The following POLI variants were observed in gnomAD, a reference collection of about 807,000 sequenced individuals.
POLI encodes DNA polymerase iota.
Under a neutral mutation model 51.6 loss-of-function variants are expected in POLI, and 58 were observed. That is an observed-to-expected ratio of 1.12 (90% CI 0.91 to 1.40). POLI has a LOEUF of 1.40. Ranked by LOEUF, POLI falls within the 40% of genes most tolerant of loss-of-function variation. The pLI is 0.00. For missense variants in POLI, 921 were observed against 871.3 expected (o/e 1.06, Z -0.72); for synonymous variants, 322 against 299.7 (o/e 1.07, Z -0.77).
chr18:54,318,146 C>A (rs2088757254), intron 3 of POLI, among the ~76,000 whole-genome samples: 1 of 151,958 alleles, frequency 6.6e-6, no homozygotes, highest in South Asian at 2.1e-4. Context: ...AAAATGTTGA[C>A]TATTTTTAAA....
intron 3 of POLI, among the ~76,000 whole-genome samples, chr18:54,312,328 C>G (rs2144647699): frequency 6.6e-6 from 1 of 152,152 alleles, no homozygotes; most frequent in East Asian, 1.9e-4. Flanking sequence ...GTATATATGC[C>G]ATATTATCTT....
chr18:54,285,787 G>A (rs1254668742), intron 7 of POLI, among the ~76,000 whole-genome samples: 1 of 152,008 alleles, frequency 6.6e-6, no homozygotes, highest in Non-Finnish European at 1.5e-5. Context: ...ACCATTTAAG[G>A]TATTTTATCC....
intron 4 of POLI, among the ~76,000 whole-genome samples, chr18:54,279,593 T>G (rs1177046285): frequency 1.3e-5 from 2 of 152,164 alleles, no homozygotes; most frequent in African/African-American, 4.8e-5. Context: ...TTGCCACATT[T>G]GCTTTCTCTT....
chr18:54,291,747 G>A (rs993598229), intron 8 of POLI, 86 bp from the exon 9 acceptor site: 1 of 632,440 alleles, frequency 1.6e-6, no homozygotes, highest in Non-Finnish European at 2.7e-6. Context: ...TGATATTTAG[G>A]ATTTTAATTT....
intron 3 of POLI, among the ~76,000 whole-genome samples, chr18:54,309,746 C>A (rs1039952325): frequency 6.6e-6 from 1 of 152,188 alleles, no homozygotes; most frequent in African/African-American, 2.4e-5. Context: ...CCAGTTTGAG[C>A]TTCCAGGTTA....
intron 3 of POLI, chr18:54,311,230 T>C (rs2088664697): frequency 1.1e-5 from 3 of 281,804 alleles, no homozygotes; most frequent in Non-Finnish European, 1.6e-5. Flanking sequence ...GCCTCTGTTG[T>C]TGATGCATCT....
At position 54,294,042 on chromosome 18, in the gene POLI, TG is replaced by T. The variant is rs754631724; in HGVS notation, c.1799del (p.Cys600LeufsTer26). ...SSKQVSSVSP[C>X]EPGTSGFNSS... ...CAAACAGGTATCCTCTGTATCTCCT[TG>T]TGAACCGGGAACATCAGGCTTTAAT... On this transcript the variant is annotated frameshift_variant, in exon 10 of 10. Coordinates refer to ENST00000579534, the MANE Select transcript of POLI (RefSeq NM_007195.3). LOFTEE classifies it low-confidence loss of function (END_TRUNC). 66 of 1,613,326 alleles carry T rather than the reference TG, an allele frequency of 4.1e-5. No homozygotes were observed. Among genetic ancestry groups the T allele is most frequent in the Non-Finnish European group, 5.5e-5 (65 of 1,179,468 alleles).
chr18:54,294,952 T>G lies in POLI; in HGVS notation c.*485T>G, dbSNP rs768291336. 26 of 981,672 alleles carry G rather than the reference T, an allele frequency of 2.6e-5. No homozygotes were observed. Among genetic ancestry groups the G allele is most frequent in the Non-Finnish European group, 3.0e-5 (25 of 826,626 alleles). 60.8% of individuals were successfully genotyped at this position (981,672 alleles called of 1,614,324 possible). Reference sequence around the variant, plus strand: ...AAAGTACTACATTACATTTAGTATGTTGACTTTTAAAATACCAAAGCAATT... The same window carrying G: ...AAAGTACTACATTACATTTAGTATGGTGACTTTTAAAATACCAAAGCAATT... On this transcript the variant is annotated 3_prime_UTR_variant, in exon 10 of 10. Coordinates refer to ENST00000579534, the MANE Select transcript of POLI (RefSeq NM_007195.3).
At chr18:54,302,038 G>A (rs1263062221), downstream of POLI, among the ~76,000 whole-genome samples, 2 of 152,156 alleles carry the variant, frequency 1.3e-5, no homozygotes, top group East Asian at 3.8e-4. Flanking sequence ...AATATGACTG[G>A]AAGCTCTGAT....
At chr18:54,281,430 A>G (rs978606412) in intron 5 of POLI, among the ~76,000 whole-genome samples, 8 of 152,192 alleles carry the variant, frequency 5.3e-5, no homozygotes, top group East Asian at 1.9e-4. Context: ...CCAAGTTTTT[A>G]TAGGCCATCA....
intron 7 of POLI, among the ~76,000 whole-genome samples, chr18:54,286,943 CAA>C (rs34365028): frequency 1.4e-5 from 2 of 141,986 alleles, no homozygotes; most frequent in Non-Finnish European, 1.5e-5. Flanking sequence ...GACTCCATCT[CAA>C]AAAAAAAAAA....
intron 3 of POLI, among the ~76,000 whole-genome samples, chr18:54,318,217 A>C (rs2088758072): frequency 6.6e-6 from 1 of 152,156 alleles, no homozygotes; most frequent in Non-Finnish European, 1.5e-5. Context: ...ATCGTAGTTT[A>C]TTCTAAGATA....
intron 1 of POLI, 38 bp from the exon 2 acceptor site, chr18:54,271,322 A>C (rs373916918): frequency 2.5e-6 from 4 of 1,580,054 alleles, no homozygotes; most frequent in African/African-American, 1.4e-5. Flanking sequence ...GATAATAAGC[A>C]GCCTGAATTT....
chr18:54,288,205 C>G (rs1156846728), intron 8 of POLI, among the ~76,000 whole-genome samples: 1 of 152,108 alleles, frequency 6.6e-6, no homozygotes, highest in Admixed American at 6.6e-5. Flanking sequence ...TATTATCAGT[C>G]TCTTTGATTA....
chr18:54,309,205 C>T (rs2088634010), intron 3 of POLI, among the ~76,000 whole-genome samples: 1 of 152,208 alleles, frequency 6.6e-6, no homozygotes, highest in African/African-American at 2.4e-5. Context: ...TCTGGTTTCT[C>T]CCCATCTTTG....
chr18:54,297,776 T>C lies in POLI; in HGVS notation c.*3309T>C. ...GGTATTGAAATAACATTAATTCTAA[T>C]TAAATTCCACAAGTTCTTTATTAAA... On this transcript the variant is annotated 3_prime_UTR_variant, in exon 10 of 10. Transcript: ENST00000579534. 1 of 962,482 alleles carries C rather than the reference T, an allele frequency of 1.0e-6. No individual in the cohort carries two copies. The highest frequency in any genetic ancestry group is 1.2e-6 in the Non-Finnish European group (1 of 808,996). The allele number at this position is 962,482 out of a possible 1,614,324, so 59.6% of individuals were successfully genotyped here. A position where few individuals can be genotyped will look rare whatever the true frequency, so the allele number is the denominator to read the frequency against.
rs2088334994 is a variant in POLI at position 54,296,470 on chromosome 18, T to G, written c.*2003T>G. The G allele has an allele frequency of 1.5e-6, 1 of 648,182 alleles. No homozygotes were observed. The highest frequency in any genetic ancestry group is 1.9e-6 in the Non-Finnish European group (1 of 522,286). 40.2% of individuals were successfully genotyped at this position (648,182 alleles called of 1,614,324 possible). A position where few individuals can be genotyped will look rare whatever the true frequency, so the allele number is the denominator to read the frequency against. ...TTTGGTGCTTTGCAGGTTTACTGTA[T>G]TATTTGGAAGTGCGAATTTATTTTT... On this transcript the variant is annotated 3_prime_UTR_variant, in exon 10 of 10. Coordinates refer to ENST00000579534, the MANE Select transcript of POLI (RefSeq NM_007195.3).
intron 3 of POLI, among the ~76,000 whole-genome samples, chr18:54,306,506 G>A (rs2088588149): frequency 6.6e-6 from 1 of 151,188 alleles, no homozygotes; most frequent in Non-Finnish European, 1.5e-5. Flanking sequence ...TTGCATCAAT[G>A]TTCATCAGGG....
intron 4 of POLI, among the ~76,000 whole-genome samples, chr18:54,278,829 G>C (rs1456103540): frequency 6.6e-6 from 1 of 152,186 alleles, no homozygotes; most frequent in Non-Finnish European, 1.5e-5. Flanking sequence ...CTGCTGTTGT[G>C]TAAGACTTGT....
Sources: gnomAD v4.1 joint callset for allele counts (sites outside exome capture counted in the v4.1 genomes callset) on GRCh38, gnomAD v4.1.1 for gene constraint, MANE v1.5 for transcripts, NCBI Gene and HGNC (gene_info 2026-07-23, HGNC 2026-07-21) for gene names.